The following DCDC1 variants were observed in gnomAD, a reference collection of about 807,000 sequenced individuals.
The protein encoded by DCDC1 is doublecortin domain-containing protein 1.
A neutral mutation model predicts 178.3 loss-of-function variants in DCDC1; 200 were observed. The observed-to-expected ratio is 1.12, with a 90% CI of 1.00 to 1.26. The LOEUF (loss-of-function observed/expected upper bound fraction) is 1.26. Ranked by LOEUF, DCDC1 falls within the 50% of genes most tolerant of loss-of-function variation. The pLI, the probability that DCDC1 is intolerant of heterozygous loss-of-function variation, is 0.00. For missense variants in DCDC1, 1,983 were observed against 1,749.2 expected, an observed-to-expected ratio of 1.13 and a Z score of -2.38; for synonymous variants, 690 against 604.8, an observed-to-expected ratio of 1.14 and a Z score of -2.07.
chr11:31,182,176 A>G (rs867816054), intron 9 of DCDC1, among the ~76,000 whole-genome samples: 1 of 152,228 alleles, frequency 6.6e-6, no homozygotes, highest in East Asian at 1.9e-4. Context: ...TCTTCAGGAC[A>G]TTATCCAGGA....
chr11:30,901,637 G>A (rs1203914173), intron 32 of DCDC1, among the ~76,000 whole-genome samples: 1 of 152,190 alleles, frequency 6.6e-6, no homozygotes, highest in Non-Finnish European at 1.5e-5. Flanking sequence ...TAGAGAGGAA[G>A]AGATGGAATC....
intron 21 of DCDC1, among the ~76,000 whole-genome samples, chr11:30,933,394 T>C (rs574304136): frequency 3.3e-4 from 50 of 152,282 alleles, no homozygotes; most frequent in Non-Finnish European, 5.7e-4. Flanking sequence ...CATATAAAGC[T>C]CTTTTTCCTT....
At chr11:31,240,617 T>C (rs1977007179) in intron 9 of DCDC1, among the ~76,000 whole-genome samples, 1 of 152,040 alleles carries the variant, frequency 6.6e-6, no homozygotes, top group Non-Finnish European at 1.5e-5. Flanking sequence ...CAGCAGTCTG[T>C]GGTCTCGGAT....
At chr11:30,968,706 TC>T (rs66918027) in intron 20 of DCDC1, among the ~76,000 whole-genome samples, 293 of 67,542 alleles carry the variant, frequency 4.3e-3, no homozygotes, top group African/African-American at 0.017. Context: ...TATATATATA[TC>T]AAATTATATA....
intron 3 of DCDC1, among the ~76,000 whole-genome samples, chr11:31,321,426 G>A (rs1176258201): frequency 3.3e-5 from 5 of 150,708 alleles, no homozygotes; most frequent in Non-Finnish European, 5.9e-5. Flanking sequence ...TTCCAGGTGC[G>A]TCCGTCACCC....
chr11:30,909,312 C>A (rs1281401303), intron 28 of DCDC1, among the ~76,000 whole-genome samples, 196 bp from the exon 29 acceptor site: 1 of 152,020 alleles, frequency 6.6e-6, no homozygotes, highest in Non-Finnish European at 1.5e-5. Context: ...ATTTGATTTA[C>A]AAAAATAGAA....
intron 9 of DCDC1, among the ~76,000 whole-genome samples, chr11:31,237,095 G>C (rs890042998): frequency 1.3e-5 from 2 of 151,744 alleles, no homozygotes; most frequent in Non-Finnish European, 2.9e-5. Flanking sequence ...TGTAATTCAA[G>C]CATATTTTGA....
intron 21 of DCDC1, among the ~76,000 whole-genome samples, chr11:30,945,832 T>C (rs143216603): frequency 5.3e-5 from 8 of 152,050 alleles, no homozygotes; most frequent in East Asian, 1.9e-4. Context: ...TTTCCCTACA[T>C]AAAAAAAGTA....
chr11:31,002,008 C>T (rs1313872431), intron 20 of DCDC1, among the ~76,000 whole-genome samples: 2 of 152,162 alleles, frequency 1.3e-5, no homozygotes, highest in African/African-American at 4.8e-5. Flanking sequence ...AAATTAAAGT[C>T]ATGACTAATC....
intron 9 of DCDC1, among the ~76,000 whole-genome samples, chr11:31,188,096 A>G (rs922571927): frequency 3.3e-5 from 5 of 152,154 alleles, no homozygotes; most frequent in Admixed American, 3.3e-4. Context: ...AGCTGGGACT[A>G]TAAGCCTGCA....
intron 9 of DCDC1, among the ~76,000 whole-genome samples, chr11:31,226,070 T>C (rs776267083): frequency 6.6e-6 from 1 of 152,076 alleles, no homozygotes; most frequent in Admixed American, 6.6e-5. Flanking sequence ...CTGAGGAATG[T>C]AAGAGGAAAG....
At chr11:31,067,852 G>A (rs747401023) in intron 18 of DCDC1, among the ~76,000 whole-genome samples, 5 of 152,150 alleles carry the variant, frequency 3.3e-5, no homozygotes, top group Non-Finnish European at 5.9e-5. Context: ...ATCTATAAAG[G>A]CTGGGGAGGC....
intron 8 of DCDC1, among the ~76,000 whole-genome samples, chr11:31,262,178 G>A (rs1367976487): frequency 6.6e-6 from 1 of 151,836 alleles, no homozygotes; most frequent in Admixed American, 6.6e-5. Flanking sequence ...GAGGTGGGAG[G>A]ATTGCTTGAG....
At position 31,015,237 on chromosome 11, in the gene DCDC1, C is replaced by T. The variant is rs531387887; in HGVS notation, c.2591+49232G>A. On this transcript the variant is annotated intron_variant, in intron 20 of 38. Coordinates refer to ENST00000684477, the MANE Select transcript of DCDC1 (RefSeq NM_001387274.1). ...TGCTGGGATTACAGGCTTCAGCCAC[C>T]GTGCCAGGCCTATTCTCCTTTTCTT... is the stretch of plus-strand genomic sequence containing the variant. Among the ~76,000 whole-genome samples the T allele has an allele frequency of 2.6e-5, 4 of 152,200 alleles. No homozygotes were observed. In the South Asian group the frequency reaches 6.2e-4, roughly 24 times the overall value.
intron 1 of DCDC1, among the ~76,000 whole-genome samples, chr11:31,336,455 C>G (rs1177657598): frequency 6.6e-6 from 1 of 152,230 alleles, no homozygotes; most frequent in South Asian, 2.1e-4. Context: ...GGACACAACA[C>G]AGGACCTTGC....
chr11:31,118,376 A>T (rs1960286894), intron 11 of DCDC1, among the ~76,000 whole-genome samples: 1 of 152,124 alleles, frequency 6.6e-6, no homozygotes, highest in Non-Finnish European at 1.5e-5. Flanking sequence ...TTTTTTCATC[A>T]TAAAACACAA....
chr11:31,169,906 T>A (rs752809711), intron 9 of DCDC1, among the ~76,000 whole-genome samples: 1 of 152,162 alleles, frequency 6.6e-6, no homozygotes, highest in African/African-American at 2.4e-5. Context: ...GCATTCTTGC[T>A]TTTTCTGAGG....
At chr11:30,988,208 A>G (rs1293270112) in intron 20 of DCDC1, among the ~76,000 whole-genome samples, 1 of 152,224 alleles carries the variant, frequency 6.6e-6, no homozygotes, top group African/African-American at 2.4e-5. Context: ...GTAGAAGCAG[A>G]AAGAGCAGTT....
At chr11:31,075,312 T>C (rs1472580772) in intron 18 of DCDC1, among the ~76,000 whole-genome samples, 1 of 152,234 alleles carries the variant, frequency 6.6e-6, no homozygotes, top group Non-Finnish European at 1.5e-5. Flanking sequence ...TTTAGGTTGA[T>C]TCCCTATCTT....
Sources: gnomAD v4.1 joint callset for allele counts (sites outside exome capture counted in the v4.1 genomes callset) on GRCh38, gnomAD v4.1.1 for gene constraint, MANE v1.5 for transcripts, NCBI Gene and HGNC (gene_info 2026-07-23, HGNC 2026-07-21) for gene names.